The following CADPS2 variants were observed in gnomAD, a reference collection of about 807,000 sequenced individuals.
CADPS2 encodes calcium dependent secretion activator 2.
In CADPS2, 93 loss-of-function variants were observed where a neutral mutation model predicts 172.5. That is an observed-to-expected ratio of 0.54 (90% CI 0.46 to 0.64). The LOEUF (loss-of-function observed/expected upper bound fraction) is 0.64, where lower values mean the gene tolerates loss of function less well. CADPS2 is among the 30% of genes least tolerant of loss of function. The probability of loss-of-function intolerance (pLI) is 0.00; values close to 1 mark genes in which losing one functional copy is unlikely to be tolerated. For synonymous variants in CADPS2, 546 were observed against 555.2 expected (o/e 0.98, Z 0.23); for missense variants, 1,420 against 1,565.9 (o/e 0.91, Z 1.57).
At chr7:122,773,358 G>A (rs1422042609) in intron 1 of CADPS2, among the ~76,000 whole-genome samples, 2 of 151,812 alleles carry the variant, frequency 1.3e-5, no homozygotes, top group Non-Finnish European at 2.9e-5. Flanking sequence ...ATCTTTAGAA[G>A]GTAATAATAT....
chr7:122,614,783 T>C (rs1415127812), intron 6 of CADPS2, among the ~76,000 whole-genome samples: 2 of 152,226 alleles, frequency 1.3e-5, no homozygotes, highest in Middle Eastern at 3.2e-3. Flanking sequence ...TGGTATCTAC[T>C]GTTACATCAC....
At chr7:122,603,467 A>AG (rs1045667702) in intron 6 of CADPS2, among the ~76,000 whole-genome samples, 1 of 149,948 alleles carries the variant, frequency 6.7e-6, no homozygotes, top group Non-Finnish European at 1.5e-5. Context: ...GCAGAAAAAA[A>AG]AAACACTCAA....
intron 2 of CADPS2, among the ~76,000 whole-genome samples, chr7:122,725,016 A>G (rs191399359): frequency 2.1e-3 from 315 of 152,240 alleles, no homozygotes; most frequent in Non-Finnish European, 3.2e-3. Flanking sequence ...ACTCATTAAC[A>G]AAGTTTAAAA....
intron 16 of CADPS2, 27 bp downstream of exon 16, chr7:122,441,485 T>C: frequency 6.9e-7 from 1 of 1,458,890 alleles, no homozygotes. Flanking sequence ...AAGCAAATAG[T>C]ATTTATAAAG....
At chr7:122,353,491 C>T (rs565124243) in intron 27 of CADPS2, among the ~76,000 whole-genome samples, 1 of 152,184 alleles carries the variant, frequency 6.6e-6, no homozygotes, top group Admixed American at 6.5e-5. Context: ...CTTTTCTTGG[C>T]CACAGTAATC....
At chr7:122,472,683 T>A (rs2056133775) in intron 13 of CADPS2, among the ~76,000 whole-genome samples, 1 of 152,182 alleles carries the variant, frequency 6.6e-6, no homozygotes, top group East Asian at 1.9e-4. Flanking sequence ...GAGGACACTA[T>A]CCCTTATTGA....
chr7:122,515,938 G>GAA (rs200447537), intron 8 of CADPS2, among the ~76,000 whole-genome samples: 1 of 144,850 alleles, frequency 6.9e-6, no homozygotes. Flanking sequence ...AATATATTTG[G>GAA]AAAAAAAACA....
chr7:122,502,089 A>C (rs996014699), intron 9 of CADPS2, among the ~76,000 whole-genome samples: 1 of 152,122 alleles, frequency 6.6e-6, no homozygotes, highest in Non-Finnish European at 1.5e-5. Context: ...GTCCATGATC[A>C]AAAATCACTA....
In CADPS2 at chr7:122,496,522, T is replaced by C. The variant is rs62474604; in HGVS notation, c.1543-5102A>G. ...TCATTTTTAATTCATTTTTAATATA[T>C]GCATTTATGTTTATTCTAAGTTCAT... On this transcript the variant is annotated intron_variant, in intron 9 of 29. Transcript: ENST00000449022. Among the ~76,000 whole-genome samples, 655 of 152,320 alleles carry C rather than the reference T, an allele frequency of 4.3e-3. 5 individuals are homozygous for C. Among genetic ancestry groups the C allele is most frequent in the Admixed American group, 6.7e-3 (103 of 15,294 alleles).
Position 122,471,415 on chromosome 7 carries a change from A to C in CADPS2, c.2146T>G (p.Tyr716Asp), listed in dbSNP as rs771808147. 6.2e-7 allele frequency: 1 copy of C among 1,613,346 alleles called. No individual in the cohort carries two copies. Among genetic ancestry groups the C allele is most frequent in the Non-Finnish European group, 8.5e-7 (1 of 1,179,616 alleles). ...TGAGAGGCACAGAATGCAAAGCTGT[A>C]ATGGAGCAGGGTAGGGTCAATGACA... ...GAVIDPTLLH[Y>D]SFAFCASHVH... is the part of the protein sequence containing the mutation. The change falls in exon 14 of 30, where the codon TAC becomes GAC. Residue 716 changes from tyrosine to aspartate, a missense_variant. Transcript: ENST00000449022.
chr7:122,806,261 A>G (rs1382205177), intron 1 of CADPS2, among the ~76,000 whole-genome samples: 2 of 152,218 alleles, frequency 1.3e-5, no homozygotes, highest in Non-Finnish European at 2.9e-5. Context: ...AGAATGAATA[A>G]ATCAGTATTG....
intron 28 of CADPS2, among the ~76,000 whole-genome samples, chr7:122,337,602 G>A (rs2036063296): frequency 6.6e-6 from 1 of 152,080 alleles, no homozygotes; most frequent in African/African-American, 2.4e-5. Flanking sequence ...ACTTGCCAAA[G>A]CTATTTTGGC....
intron 11 of CADPS2, among the ~76,000 whole-genome samples, chr7:122,481,166 T>A (rs917139031): frequency 7.1e-4 from 52 of 73,388 alleles, no homozygotes; most frequent in Admixed American, 3.0e-3. Context: ...TTCATTCTTT[T>A]TTTTTTTTTT....
chr7:122,525,435 C>T (rs1355657974), intron 8 of CADPS2, among the ~76,000 whole-genome samples: 4 of 152,176 alleles, frequency 2.6e-5, no homozygotes, highest in Non-Finnish European at 5.9e-5. Flanking sequence ...TGAACTTCAA[C>T]TTTACACTTT....
At chr7:122,505,302 T>G (rs929867402) in intron 9 of CADPS2, among the ~76,000 whole-genome samples, 1 of 152,198 alleles carries the variant, frequency 6.6e-6, no homozygotes, top group Non-Finnish European at 1.5e-5. Context: ...CAACTTGAAG[T>G]TGCTGTTTTA....
intron 17 of CADPS2, among the ~76,000 whole-genome samples, chr7:122,420,328 C>T (rs1317880605): frequency 2.0e-5 from 3 of 152,198 alleles, no homozygotes; most frequent in Non-Finnish European, 4.4e-5. Context: ...TAAGTACAAA[C>T]TCTGAGAGTA....
At chr7:122,409,820 G>A (rs983401980) in intron 19 of CADPS2, among the ~76,000 whole-genome samples, 1 of 152,170 alleles carries the variant, frequency 6.6e-6, no homozygotes, top group African/African-American at 2.4e-5. Context: ...TGGGGTGGCT[G>A]AGATTCAACA....
chr7:122,399,090 T>A (rs2045559403), intron 20 of CADPS2, among the ~76,000 whole-genome samples: 1 of 152,102 alleles, frequency 6.6e-6, no homozygotes, highest in Non-Finnish European at 1.5e-5. Context: ...CTAATATATA[T>A]TTATACACCT....
intron 25 of CADPS2, among the ~76,000 whole-genome samples, chr7:122,367,265 A>G (rs6965749): frequency 0.38 from 57,366 of 151,958 alleles, 11,086 homozygotes; most frequent in East Asian, 0.56. Context: ...AATCCAGGGG[A>G]AAATATTCTA....
Sources: gnomAD v4.1 joint callset for allele counts (sites outside exome capture counted in the v4.1 genomes callset) on GRCh38, gnomAD v4.1.1 for gene constraint, MANE v1.5 for transcripts, NCBI Gene and HGNC (gene_info 2026-07-23, HGNC 2026-07-21) for gene names.